Variants in ATRNL1 observed in about 807,000 individuals in gnomAD.
The protein encoded by ATRNL1 is attractin like 1.
In ATRNL1, 95 loss-of-function variants were observed where a neutral mutation model predicts 182.7. The observed-to-expected ratio is 0.52, with a 90% CI of 0.44 to 0.62. ATRNL1 has a LOEUF of 0.62. Among genes scored for constraint, ATRNL1 ranks in the 20% least tolerant of loss-of-function variants. The pLI, the probability that ATRNL1 is intolerant of heterozygous loss-of-function variation, is 0.00. For missense variants in ATRNL1, 1,471 were observed against 1,679.5 expected (o/e 0.88, Z 2.17); for synonymous variants, 576 against 568.3 (o/e 1.01, Z -0.19).
intron 26 of ATRNL1, among the ~76,000 whole-genome samples, chr10:115,561,669 C>CTGTGTGTGTG (rs375690170): frequency 2.1e-4 from 30 of 141,584 alleles, no homozygotes; most frequent in Non-Finnish European, 3.7e-4. Flanking sequence ...AGGGACAACT[C>CTGTGTGTGTG]TGTGTGTGTG....
intron 25 of ATRNL1, among the ~76,000 whole-genome samples, chr10:115,537,309 C>T (rs546350454): frequency 2.0e-5 from 3 of 152,284 alleles, no homozygotes; most frequent in East Asian, 3.9e-4. Flanking sequence ...CACACTTTGA[C>T]TTAAATATTG....
intron 10 of ATRNL1, among the ~76,000 whole-genome samples, chr10:115,260,159 C>T (rs967051645): frequency 6.6e-6 from 1 of 152,094 alleles, no homozygotes; most frequent in Non-Finnish European, 1.5e-5. Flanking sequence ...TATTACTGTA[C>T]TGTAATGTTT....
intron 28 of ATRNL1, among the ~76,000 whole-genome samples, chr10:115,932,755 A>C (rs1457081728): frequency 6.6e-6 from 1 of 152,222 alleles, no homozygotes; most frequent in Non-Finnish European, 1.5e-5. Context: ...AGAGAGCAGA[A>C]ATATCACTTT....
At chr10:115,300,296 C>A in intron 16 of ATRNL1, 49 bp downstream of exon 16, 2 of 1,453,288 alleles carry the variant, frequency 1.4e-6, no homozygotes, top group East Asian at 4.6e-5. Flanking sequence ...GTTTCCCACC[C>A]ATCTTCTCAT....
chr10:115,162,964 G>A (rs1383790569), intron 6 of ATRNL1, among the ~76,000 whole-genome samples: 2 of 151,474 alleles, frequency 1.3e-5, no homozygotes, highest in African/African-American at 4.9e-5. Context: ...AACAAAAGCA[G>A]TTTTAGTGGA....
intron 9 of ATRNL1, among the ~76,000 whole-genome samples, chr10:115,221,702 T>C (rs962821404): frequency 6.6e-6 from 1 of 152,148 alleles, no homozygotes; most frequent in Non-Finnish European, 1.5e-5. Context: ...CAAAATTAGA[T>C]ATCCAGATGT....
intron 18 of ATRNL1, among the ~76,000 whole-genome samples, chr10:115,317,391 A>T (rs1854352874): frequency 6.6e-6 from 1 of 152,168 alleles, no homozygotes. Context: ...CTTTAATTCC[A>T]TATGAAATTT....
At chr10:115,338,612 A>G (rs782315090) in intron 19 of ATRNL1, among the ~76,000 whole-genome samples, 3 of 152,134 alleles carry the variant, frequency 2.0e-5, no homozygotes, top group Non-Finnish European at 4.4e-5. Context: ...AGCTTCTTAT[A>G]TATTTGGGTT....
chr10:115,545,234 CAAAAAA>C (rs71010026), intron 25 of ATRNL1, among the ~76,000 whole-genome samples: 97 of 94,842 alleles, frequency 1.0e-3, no homozygotes, highest in African/African-American at 2.8e-3. Context: ...GACTCCGTAT[CAAAAAA>C]AAAAAAAAAA....
chr10:115,795,087 G>A (rs986718125), intron 27 of ATRNL1, among the ~76,000 whole-genome samples: 7 of 152,088 alleles, frequency 4.6e-5, no homozygotes, highest in Admixed American at 2.0e-4. Flanking sequence ...ATGCCTCAGT[G>A]ATTTCTCCAG....
In ATRNL1 at chr10:115,665,322, T is replaced by C. The variant is rs1555039367; in HGVS notation, c.3796-61926T>C. ...AAACTCCTCACTTTCCTAGAAAAAA[T>C]TGAGGCACAAAGAAGGTAAGTGGCT... On this transcript the variant is annotated intron_variant, in intron 26 of 28. Coordinates refer to ENST00000355044, the MANE Select transcript of ATRNL1 (RefSeq NM_207303.4). 2.0e-5 allele frequency among the ~76,000 whole-genome samples: 3 copies of C among 152,014 alleles called. No homozygotes were observed. In the South Asian group the frequency reaches 6.2e-4, roughly 32 times the overall value.
chr10:115,495,859 A>G (rs1385107119), intron 24 of ATRNL1, among the ~76,000 whole-genome samples: 1 of 152,076 alleles, frequency 6.6e-6, no homozygotes, highest in East Asian at 1.9e-4. Context: ...TGTCGAGTTC[A>G]GGTTCGGAAT....
At chr10:115,602,225 G>A (rs1455415181) in intron 26 of ATRNL1, among the ~76,000 whole-genome samples, 4 of 151,974 alleles carry the variant, frequency 2.6e-5, no homozygotes, top group Non-Finnish European at 5.9e-5. Context: ...ATGGTGGTGG[G>A]CACCTATAAT....
chr10:115,354,340 G>T (rs1554942290), intron 19 of ATRNL1, among the ~76,000 whole-genome samples: 1 of 151,928 alleles, frequency 6.6e-6, no homozygotes, highest in African/African-American at 2.4e-5. Flanking sequence ...AATCTCTTCA[G>T]CATTTTTTTT....
At chr10:115,202,637 T>C (rs1554892719) in intron 8 of ATRNL1, among the ~76,000 whole-genome samples, 1 of 148,326 alleles carries the variant, frequency 6.7e-6, no homozygotes, top group African/African-American at 2.5e-5. Context: ...GGTTTGCCAG[T>C]ATTTTATTGA....
intron 26 of ATRNL1, among the ~76,000 whole-genome samples, chr10:115,602,278 C>T (rs917287646): frequency 2.0e-5 from 3 of 152,118 alleles, no homozygotes; most frequent in Non-Finnish European, 1.5e-5. Context: ...CTCTTGAACC[C>T]TGGGGTCAGA....
At chr10:115,588,641 G>T (rs1426261314) in intron 26 of ATRNL1, among the ~76,000 whole-genome samples, 7 of 152,196 alleles carry the variant, frequency 4.6e-5, no homozygotes. Flanking sequence ...TTCCTTCCCA[G>T]TCATTAGGTG....
intron 28 of ATRNL1, among the ~76,000 whole-genome samples, chr10:115,902,711 T>A (rs2134495541): frequency 6.6e-6 from 1 of 152,326 alleles, no homozygotes; most frequent in Non-Finnish European, 1.5e-5. Context: ...AGCGAATATT[T>A]GGAGGCAGTT....
chr10:115,406,686 A>G (rs1391157598), intron 20 of ATRNL1, among the ~76,000 whole-genome samples: 1 of 152,086 alleles, frequency 6.6e-6, no homozygotes, highest in Non-Finnish European at 1.5e-5. Context: ...ATGATGTAGT[A>G]TTATCTCAAG....
Sources: gnomAD v4.1 joint callset for allele counts (sites outside exome capture counted in the v4.1 genomes callset) on GRCh38, gnomAD v4.1.1 for gene constraint, MANE v1.5 for transcripts, NCBI Gene and HGNC (gene_info 2026-07-23, HGNC 2026-07-21) for gene names.